The following NHSL2 variants were observed in gnomAD, a reference collection of about 807,000 sequenced individuals.
NHSL2 encodes the protein NHS-like protein 2.
NHSL2 carries 27 observed loss-of-function variants against 53.4 expected under a neutral mutation model. The observed-to-expected ratio is 0.51, with a 90% CI of 0.37 to 0.70. The LOEUF (loss-of-function observed/expected upper bound fraction) is 0.70, where lower values mean the gene tolerates loss of function less well. Among genes scored for constraint, NHSL2 ranks in the 30% least tolerant of loss-of-function variants. NHSL2 has a pLI of 0.00. For synonymous variants in NHSL2, 408 were observed against 404.1 expected (o/e 1.01, Z -0.12); for missense variants, 892 against 980.1 (o/e 0.91, Z 1.20).
At chrX:71,917,460 T>C (rs2041634283) in intron 1 of NHSL2, among the ~76,000 whole-genome samples, 1 of 110,621 alleles carries the variant, frequency 9.0e-6, no homozygotes, top group African/African-American at 3.3e-5. Flanking sequence ...TTAGATTGAA[T>C]ACCTTCTTTC....
At chrX:71,914,584 C>T (rs912372191) in intron 1 of NHSL2, among the ~76,000 whole-genome samples, 1 of 111,955 alleles carries the variant, frequency 8.9e-6, no homozygotes, top group African/African-American at 3.2e-5. Flanking sequence ...CAGTTGGGTC[C>T]GTGGTGAAAA....
At chrX:72,137,042 G>A (rs1319642874) in intron 4 of NHSL2, 52 bp from the exon 5 acceptor site, 4 of 1,105,949 alleles carry the variant, frequency 3.6e-6, no homozygotes, top group East Asian at 3.4e-5. Context: ...AATTTCCACC[G>A]TGCTTTAAAC....
chrX:71,915,110 T>G (rs1187129391), intron 1 of NHSL2, among the ~76,000 whole-genome samples: 1 of 111,769 alleles, frequency 8.9e-6, no homozygotes, highest in East Asian at 2.8e-4. Context: ...TCCCTGGAGA[T>G]TTGGATACCA....
At position 72,143,365 on chromosome X, in the gene NHSL2, A is replaced by G. The variant is rs1243783596; in HGVS notation, c.3469A>G (p.Thr1157Ala). ...AGCTGAGTCTCCAATCAGTGAGTCT[A>G]CCGCCACTGCAGGGTCAGGCAGCAG... ...NTAESPISES[T>A]ATAGSGSSAN... The change falls in exon 8 of 8, where the codon ACC becomes GCC. Residue 1157 changes from threonine (T) to alanine (A), a missense_variant. Thr to Ala is a moderately conservative substitution (Grantham distance 58). Coordinates refer to ENST00000633930, the MANE Select transcript of NHSL2 (RefSeq NM_001013627.3). 1 of 1,164,797 alleles carries G rather than the reference A, an allele frequency of 8.6e-7. No homozygotes were observed. The highest frequency in any genetic ancestry group is 2.6e-5 in the Admixed American group (1 of 38,439).
chrX:72,049,014 AGG>A (rs1491525157), intron 1 of NHSL2, among the ~76,000 whole-genome samples: 1 of 92,208 alleles, frequency 1.1e-5, no homozygotes, highest in African/African-American at 4.7e-5. Flanking sequence ...GAAGAAGAAG[AGG>A]AAGAGGAAGA....
intron 1 of NHSL2, among the ~76,000 whole-genome samples, chrX:71,922,932 A>G (rs1428253233): frequency 1.8e-5 from 2 of 112,309 alleles, no homozygotes; most frequent in Non-Finnish European, 3.8e-5. Context: ...AAATAGCCCA[A>G]TGAAATCTTT....
chrX:72,131,125 G>T lies in NHSL2; in HGVS notation c.281-954G>T, dbSNP rs749671620. The T allele has an allele frequency of 5.8e-6, 7 of 1,201,757 alleles. No individual in the cohort carries two copies. The South Asian group carries it at 7.1e-5, about 12-fold the overall frequency. ...CGGTGCCAGAGGGGGTTGCGGGGGCGGTTCCTTTGACGCGGGCGGAGGCAG... is the reference window on the plus strand; with the variant it reads ...CGGTGCCAGAGGGGGTTGCGGGGGCTGTTCCTTTGACGCGGGCGGAGGCAG... On this transcript the variant is annotated intron_variant, in intron 1 of 7. Coordinates refer to ENST00000633930, the MANE Select transcript of NHSL2 (RefSeq NM_001013627.3).
intron 1 of NHSL2, among the ~76,000 whole-genome samples, chrX:72,115,756 T>C (rs914676186): frequency 2.7e-5 from 3 of 111,406 alleles, no homozygotes; most frequent in African/African-American, 6.5e-5. Context: ...TGACAAGGAA[T>C]GCTCCCTTCC....
At position 72,143,177 on chromosome X, in the gene NHSL2, C is replaced by T; in HGVS notation, c.3357-76C>T. 5 of 722,760 alleles carry T rather than the reference C, an allele frequency of 6.9e-6. No individual in the cohort carries two copies. In the Middle Eastern group the frequency reaches 1.4e-3, roughly 204 times the overall value. The allele number at this position is 722,760 out of a possible 1,213,427, so 59.6% of individuals were successfully genotyped here. On this transcript the variant is annotated intron_variant, in intron 7 of 7. Coordinates refer to ENST00000633930, the MANE Select transcript of NHSL2 (RefSeq NM_001013627.3). ...CAGGGCTGCCGCCTGGATTGTGTCA[C>T]AGGCATGGGGGTCTGTGAAGCACTG...
At chrX:72,007,645 C>T (rs960689463) in intron 1 of NHSL2, among the ~76,000 whole-genome samples, 8 of 113,255 alleles carry the variant, frequency 7.1e-5, no homozygotes, top group Non-Finnish European at 1.5e-4. Context: ...ATCTTTACTG[C>T]AACTCTGTGA....
chrX:72,035,983 C>T (rs1389538046), intron 1 of NHSL2, among the ~76,000 whole-genome samples: 1 of 111,558 alleles, frequency 9.0e-6, no homozygotes, highest in Non-Finnish European at 1.9e-5. Context: ...GGAGCATGGA[C>T]CCTACTGTGA....
chrX:72,070,306 A>G (rs1178648269), intron 1 of NHSL2, among the ~76,000 whole-genome samples: 4 of 110,212 alleles, frequency 3.6e-5, no homozygotes, highest in Non-Finnish European at 7.6e-5. Flanking sequence ...CCCAGCCCTG[A>G]CAGAGCTCTC....
intron 1 of NHSL2, among the ~76,000 whole-genome samples, chrX:72,071,736 G>A (rs922909846): frequency 9.0e-6 from 1 of 111,332 alleles, no homozygotes; most frequent in Non-Finnish European, 1.9e-5. Flanking sequence ...TTCCATTTTC[G>A]CTTAGTGACC....
At chrX:72,136,029 G>T (rs1018011631) in intron 4 of NHSL2, among the ~76,000 whole-genome samples, 3 of 111,407 alleles carry the variant, frequency 2.7e-5, no homozygotes, top group African/African-American at 9.8e-5. Flanking sequence ...GTGAGACTTT[G>T]TCTCTAAATA....
intron 1 of NHSL2, among the ~76,000 whole-genome samples, chrX:72,032,144 C>T (rs747613834): frequency 6.9e-4 from 76 of 110,719 alleles, no homozygotes; most frequent in Admixed American, 6.7e-4. Context: ...GTAATCCCAA[C>T]ACTTTGGGAG....
At chrX:72,134,738 C>T (rs1389888529) in intron 4 of NHSL2, 34 bp downstream of exon 4, 4 of 1,028,144 alleles carry the variant, frequency 3.9e-6, no homozygotes, top group African/African-American at 1.9e-5. Context: ...TGTCTTCTTC[C>T]CTTCATGCCT....
chrX:72,026,788 C>G (rs1342337247), intron 1 of NHSL2, among the ~76,000 whole-genome samples: 1 of 112,237 alleles, frequency 8.9e-6, no homozygotes, highest in African/African-American at 3.2e-5. Context: ...AAATGACTCC[C>G]CATCTACCCA....
At chrX:72,072,245 C>T (rs2041707298) in intron 1 of NHSL2, among the ~76,000 whole-genome samples, 1 of 112,347 alleles carries the variant, frequency 8.9e-6, no homozygotes, top group Non-Finnish European at 1.9e-5. Context: ...CATGATTTCT[C>T]ATATTTTTTT....
At chrX:72,120,976 C>G (rs1258535499) in intron 1 of NHSL2, among the ~76,000 whole-genome samples, 1 of 112,458 alleles carries the variant, frequency 8.9e-6, no homozygotes, top group Non-Finnish European at 1.9e-5. Flanking sequence ...GGCAGCAGGC[C>G]CTGGCCAGCC....
Sources: gnomAD v4.1 joint callset for allele counts (sites outside exome capture counted in the v4.1 genomes callset) on GRCh38, gnomAD v4.1.1 for gene constraint, MANE v1.5 for transcripts, NCBI Gene and HGNC (gene_info 2026-07-23, HGNC 2026-07-21) for gene names.